Variants in PPM1H observed in about 807,000 individuals in gnomAD.
PPM1H encodes the protein protein phosphatase 1H.
PPM1H carries 27 observed loss-of-function variants against 54.9 expected under a neutral mutation model. That is an observed-to-expected ratio of 0.49 (90% CI 0.36 to 0.68). The LOEUF is 0.68. PPM1H is among the 30% of genes least tolerant of loss of function. The pLI, the probability that PPM1H is intolerant of heterozygous loss-of-function variation, is 0.00. For synonymous variants in PPM1H, 305 were observed against 270.8 expected (o/e 1.13, Z -1.24); for missense variants, 596 against 667.8 (o/e 0.89, Z 1.19).
chr12:62,913,676 T>C (rs1313815334), intron 1 of PPM1H, among the ~76,000 whole-genome samples: 1 of 152,148 alleles, frequency 6.6e-6, no homozygotes, highest in Non-Finnish European at 1.5e-5. Flanking sequence ...TTTGACAAAG[T>C]AAGCATTCAA....
intron 6 of PPM1H, among the ~76,000 whole-genome samples, chr12:62,714,143 T>C (rs932893948): frequency 2.6e-5 from 4 of 152,158 alleles, no homozygotes; most frequent in African/African-American, 9.6e-5. Flanking sequence ...TATATCTGCA[T>C]GGTCCAATTC....
chr12:62,932,165 A>C (rs1373774240), intron 1 of PPM1H, among the ~76,000 whole-genome samples: 1 of 150,652 alleles, frequency 6.6e-6, no homozygotes, highest in Non-Finnish European at 1.5e-5. Context: ...AATTTGTAAC[A>C]TTTTACAGTG....
At chr12:62,889,467 G>A (rs1013671406) in intron 1 of PPM1H, among the ~76,000 whole-genome samples, 5 of 151,622 alleles carry the variant, frequency 3.3e-5, no homozygotes, top group African/African-American at 4.9e-5. Flanking sequence ...GTCCATCTGG[G>A]GTAACATAGC....
At chr12:62,872,434 T>C (rs997776764) in intron 1 of PPM1H, among the ~76,000 whole-genome samples, 3 of 152,220 alleles carry the variant, frequency 2.0e-5, no homozygotes, top group African/African-American at 4.8e-5. Flanking sequence ...ATTTTACAAA[T>C]GGCATAGATG....
At chr12:62,663,798 C>T (rs61521759) in intron 9 of PPM1H, among the ~76,000 whole-genome samples, 1 of 152,096 alleles carries the variant, frequency 6.6e-6, no homozygotes, top group Admixed American at 6.5e-5. Context: ...TCGAGACCAG[C>T]CTGACCAACA....
At chr12:62,746,933 C>T (rs910848290) in intron 4 of PPM1H, among the ~76,000 whole-genome samples, 26 of 152,218 alleles carry the variant, frequency 1.7e-4, no homozygotes, top group Admixed American at 2.6e-4. Context: ...TTCATGCAAA[C>T]GAGTAACAAA....
chr12:62,765,995 T>C (rs2076540442), intron 4 of PPM1H, among the ~76,000 whole-genome samples: 1 of 152,144 alleles, frequency 6.6e-6, no homozygotes, highest in Admixed American at 6.5e-5. Context: ...AACAAGGAAG[T>C]GGTGTGGCCA....
At chr12:62,878,934 C>T (rs773920692) in intron 1 of PPM1H, among the ~76,000 whole-genome samples, 4 of 151,724 alleles carry the variant, frequency 2.6e-5, no homozygotes, top group Admixed American at 1.3e-4. Flanking sequence ...GGCAAGACTC[C>T]GTCTCAAAAA....
intron 4 of PPM1H, among the ~76,000 whole-genome samples, chr12:62,760,593 A>T (rs2076502913): frequency 6.6e-6 from 1 of 152,176 alleles, no homozygotes; most frequent in African/African-American, 2.4e-5. Flanking sequence ...AGGTGGCTGG[A>T]GCTGAAGGCA....
chr12:62,770,115 G>A (rs2076569780), intron 4 of PPM1H, among the ~76,000 whole-genome samples: 1 of 151,236 alleles, frequency 6.6e-6, no homozygotes, highest in Non-Finnish European at 1.5e-5. Context: ...ATAAATTGGG[G>A]TCCCTAGTTT....
At chr12:62,659,782 G>C (rs918421869) in intron 9 of PPM1H, among the ~76,000 whole-genome samples, 4 of 152,060 alleles carry the variant, frequency 2.6e-5, no homozygotes, top group Non-Finnish European at 5.9e-5. Flanking sequence ...AGTAAAACAG[G>C]CCCACTCAAA....
intron 4 of PPM1H, among the ~76,000 whole-genome samples, chr12:62,756,469 G>C (rs1479818688): frequency 6.6e-6 from 1 of 151,922 alleles, no homozygotes; most frequent in East Asian, 1.9e-4. Context: ...AACATATACT[G>C]CATATGTAAT....
intron 4 of PPM1H, among the ~76,000 whole-genome samples, chr12:62,776,107 C>T (rs1161196482): frequency 6.6e-6 from 1 of 152,078 alleles, no homozygotes. Flanking sequence ...AATACTCCCC[C>T]ACGACTCAGT....
intron 3 of PPM1H, among the ~76,000 whole-genome samples, chr12:62,793,740 CAAAAAAAAAAAA>C (rs34457644): frequency 3.3e-5 from 2 of 61,200 alleles, no homozygotes; most frequent in Non-Finnish European, 6.5e-5. Context: ...AACTCCGTTT[CAAAAAAAAAAAA>C]AAAAAAAAAA....
intron 1 of PPM1H, among the ~76,000 whole-genome samples, chr12:62,931,605 T>C (rs1872133932): frequency 1.3e-5 from 2 of 152,202 alleles, no homozygotes; most frequent in South Asian, 4.1e-4. Context: ...GAATACATCA[T>C]AATTTAATCT....
chr12:62,856,629 T>C (rs1012299377), intron 1 of PPM1H, among the ~76,000 whole-genome samples: 5 of 152,234 alleles, frequency 3.3e-5, no homozygotes, highest in African/African-American at 1.2e-4. Flanking sequence ...GTAATTGCCC[T>C]GATCTGATCA....
At chr12:62,830,404 C>T (rs59001973) in intron 2 of PPM1H, among the ~76,000 whole-genome samples, 1,634 of 152,156 alleles carry the variant, frequency 0.011, 25 homozygotes, top group African/African-American at 0.036. Flanking sequence ...TACAGGCACC[C>T]GCCACCATGC....
chr12:62,863,831 C>T (rs1323980414), intron 1 of PPM1H, among the ~76,000 whole-genome samples: 1 of 152,144 alleles, frequency 6.6e-6, no homozygotes, highest in Non-Finnish European at 1.5e-5. Context: ...AAGACCACTG[C>T]CCAATTTGTC....
chr12:62,836,627 T>TTG (rs368454852), intron 1 of PPM1H, among the ~76,000 whole-genome samples: 11 of 151,698 alleles, frequency 7.3e-5, no homozygotes, highest in East Asian at 5.8e-4. Context: ...CTTATTAAGA[T>TTG]TGTGTGTGTG....
Sources: allele counts gnomAD v4.1 joint callset (sites outside exome capture counted in the v4.1 genomes callset), GRCh38; gene constraint gnomAD v4.1.1; transcripts MANE v1.5; gene names NCBI Gene and HGNC (gene_info 2026-07-23, HGNC 2026-07-21).